HPCAL4: variants seen among roughly 807,000 people sequenced by gnomAD.
The protein encoded by HPCAL4 is hippocalcin-like protein 4.
HPCAL4 carries 16 observed loss-of-function variants against 18.2 expected under a neutral mutation model. The observed-to-expected ratio is 0.88, with a 90% confidence interval of 0.59 to 1.33. The LOEUF (loss-of-function observed/expected upper bound fraction) is 1.33, where lower values mean the gene tolerates loss of function less well. Ranked by LOEUF, HPCAL4 falls within the 40% of genes most tolerant of loss-of-function variation. The pLI is 0.00. For missense variants in HPCAL4, 214 were observed against 256.6 expected, an observed-to-expected ratio of 0.83 and a Z score of 1.14; for synonymous variants, 80 against 97.5, an observed-to-expected ratio of 0.82 and a Z score of 1.06.
At position 39,683,813 on chromosome 1, in the gene HPCAL4, A is replaced by G. The variant is rs1646647340; in HGVS notation, c.378+124T>C. On this transcript the variant is annotated intron_variant, in intron 3 of 3. Transcript: ENST00000372844. ...TAGCCCGGGCCTGTAGCGGGGTGGT[A>G]GGAGGCGGGATCGCAGGCTGGGGAG... is the stretch of plus-strand genomic sequence containing the variant. 1.5e-5 allele frequency: 12 copies of G among 801,796 alleles called. No individual in the cohort carries two copies. The South Asian group carries it at 1.9e-4, about 13-fold the overall frequency. The allele number at this position is 801,796 out of a possible 1,614,324, so 49.7% of individuals were successfully genotyped here. A position where few individuals can be genotyped will look rare whatever the true frequency, so the allele number is the denominator to read the frequency against.
At position 39,688,663 on chromosome 1, in the gene HPCAL4, A is replaced by G. The variant is rs528672132; in HGVS notation, c.-9+2643T>C. On this transcript the variant is annotated intron_variant, in intron 1 of 3. Coordinates refer to ENST00000372844, the MANE Select transcript of HPCAL4 (RefSeq NM_016257.4). ...CCCCTGAAACTCTAGAATCCTCTAG[A>G]ATCTGGTCTCAAAGTGCCCACCTAT... Among the ~76,000 whole-genome samples the G allele has an allele frequency of 2.6e-5, 4 of 152,196 alleles. No homozygotes were observed. In the South Asian group the frequency reaches 8.3e-4, roughly 32 times the overall value.
intron 1 of HPCAL4, among the ~76,000 whole-genome samples, chr1:39,690,092 A>G (rs989257686): frequency 6.6e-6 from 1 of 152,166 alleles, no homozygotes; most frequent in African/African-American, 2.4e-5. Context: ...GCCTGTACCT[A>G]GGCTGGTTAA....
At chr1:39,685,474 C>T (rs1646665281) in intron 1 of HPCAL4, among the ~76,000 whole-genome samples, 1 of 152,186 alleles carries the variant, frequency 6.6e-6, no homozygotes, top group African/African-American at 2.4e-5. Context: ...TATTTCATGC[C>T]TATAATCCCA....
intron 3 of HPCAL4, 74 bp from the exon 4 acceptor site, chr1:39,682,807 T>A: frequency 8.5e-7 from 1 of 1,182,404 alleles, no homozygotes; most frequent in Non-Finnish European, 1.3e-6. Flanking sequence ...AGGAAAGGGA[T>A]CTGGCAGGGA....
At chr1:39,688,806 C>T (rs1646696521) in intron 1 of HPCAL4, among the ~76,000 whole-genome samples, 1 of 152,220 alleles carries the variant, frequency 6.6e-6, no homozygotes, top group Non-Finnish European at 1.5e-5. Flanking sequence ...AATATCCTTT[C>T]TTCTCTCCTG....
At chr1:39,683,010 A>C (rs1263020948) in intron 3 of HPCAL4, among the ~76,000 whole-genome samples, 1 of 151,858 alleles carries the variant, frequency 6.6e-6, no homozygotes, top group Non-Finnish European at 1.5e-5. Flanking sequence ...CAGCCTCCTG[A>C]GTAGCTGGGA....
Position 39,684,019 on chromosome 1 carries a change from T to C in HPCAL4, c.296A>G (p.Gln99Arg), listed in dbSNP as rs1646650512. ...CATCTCAAAGGCCCAGTTGAGCTTC[T>C]GCTCGAAGCTGCCGCGGGAGGTGAC... ...LSVTSRGSFE[Q>R]KLNWAFEMYD... Residue 99 changes from glutamine to arginine, a missense_variant, in exon 3 of 4, where the codon CAG becomes CGG. Gln to Arg is a conservative substitution (Grantham distance 43). Transcript: ENST00000372844. 1.2e-6 allele frequency: 2 copies of C among 1,614,018 alleles called. No homozygotes were observed. The highest frequency in any genetic ancestry group is 1.3e-5 in the African/African-American group (1 of 75,040).
chr1:39,679,640 A>C lies in HPCAL4; in HGVS notation c.*2896T>G, dbSNP rs1468602195. The stretch of plus-strand genomic sequence containing the variant: ...TTGTGCTTTGCGGCAAGTCTCTCTC[A>C]GCTGGTGCAGGGACGGGAGACCTGT... On this transcript the variant is annotated 3_prime_UTR_variant, in exon 4 of 4. Transcript: ENST00000372844. The C allele has an allele frequency of 1.3e-5, 2 of 152,256 alleles. No individual in the cohort carries two copies. The highest frequency in any genetic ancestry group is 2.9e-5 in the Non-Finnish European group (2 of 68,066). 9.4% of individuals were successfully genotyped at this position (152,256 alleles called of 1,614,324 possible).
At position 39,682,453 on chromosome 1, in the gene HPCAL4, T is replaced by A; in HGVS notation, c.*83A>T. The A allele has an allele frequency of 7.2e-7, 1 of 1,380,464 alleles. No homozygotes were observed. Among genetic ancestry groups the A allele is most frequent in the Admixed American group, 1.7e-5 (1 of 57,478 alleles). 85.5% of individuals were successfully genotyped at this position (1,380,464 alleles called of 1,614,324 possible). A position where few individuals can be genotyped will look rare whatever the true frequency, so the allele number is the denominator to read the frequency against. ...GAGAGGGGGGCTGGAGTGTCCCTCCTCCTGGGAGGCCAGCCAGAGAGGTCA... is the reference window on the plus strand; with the variant it reads ...GAGAGGGGGGCTGGAGTGTCCCTCCACCTGGGAGGCCAGCCAGAGAGGTCA... On this transcript the variant is annotated 3_prime_UTR_variant, in exon 4 of 4. Coordinates refer to ENST00000372844, the MANE Select transcript of HPCAL4 (RefSeq NM_016257.4).
Position 39,683,891 on chromosome 1 carries a change from G to A in HPCAL4, c.378+46C>T, listed in dbSNP as rs565720177. The A allele has an allele frequency of 1.9e-5, 30 of 1,554,640 alleles. 1 individual carries two copies. The South Asian group carries it at 3.1e-4, about 16-fold the overall frequency. On this transcript the variant is annotated intron_variant, in intron 3 of 3. Transcript: ENST00000372844. The stretch of plus-strand genomic sequence containing the variant: ...CAGCGCGGAGGCAGGGGCGGGGATG[G>A]CGAAGCGCTGGCCTCGGGAACAGCA...
At chr1:39,682,767 C>T (rs374309217) in intron 3 of HPCAL4, 34 bp from the exon 4 acceptor site, 1 of 1,597,226 alleles carries the variant, frequency 6.3e-7, no homozygotes, top group African/African-American at 1.3e-5. Flanking sequence ...GTGTGAACAC[C>T]CACAAGGGGC....
chr1:39,682,786 G>C lies in HPCAL4; in HGVS notation c.379-53C>G, dbSNP rs1013275286. On this transcript the variant is annotated intron_variant, in intron 3 of 3. Transcript: ENST00000372844. ...GAACACCCACAAGGGGCCCCGAGAA[G>C]CAGCGGGTGAAGGAAAGGGATCTGG... The C allele has an allele frequency of 5.5e-6, 8 of 1,461,508 alleles. No individual in the cohort carries two copies. The Admixed American group carries it at 1.2e-4, about 22-fold the overall frequency. 90.5% of individuals were successfully genotyped at this position (1,461,508 alleles called of 1,614,324 possible). A position where few individuals can be genotyped will look rare whatever the true frequency, so the allele number is the denominator to read the frequency against.
intron 1 of HPCAL4, among the ~76,000 whole-genome samples, chr1:39,687,710 C>G (rs542511396): frequency 2.0e-5 from 3 of 152,216 alleles, no homozygotes; most frequent in South Asian, 4.1e-4. Flanking sequence ...CAAAGCTGAG[C>G]CTGGGCAAGA....
At chr1:39,688,471 CCAT>C (rs1240158873) in intron 1 of HPCAL4, among the ~76,000 whole-genome samples, 62 of 152,294 alleles carry the variant, frequency 4.1e-4, no homozygotes, top group African/African-American at 1.4e-3. Flanking sequence ...TTCATTATGT[CCAT>C]AGCCAGGGAC....
chr1:39,682,775 G>C, intron 3 of HPCAL4, 42 bp from the exon 4 acceptor site: 7 of 1,567,816 alleles, frequency 4.5e-6, no homozygotes, highest in Non-Finnish European at 6.1e-6. Context: ...ACCCACAAGG[G>C]GCCCCGAGAA....
intron 1 of HPCAL4, among the ~76,000 whole-genome samples, chr1:39,685,879 C>CAAA (rs34605605): frequency 7.3e-6 from 1 of 136,656 alleles, no homozygotes. Flanking sequence ...GACTCCACCT[C>CAAA]AAAAAAAAAA....
intron 1 of HPCAL4, among the ~76,000 whole-genome samples, chr1:39,686,506 A>T (rs1344713227): frequency 1.3e-5 from 2 of 152,146 alleles, no homozygotes; most frequent in Non-Finnish European, 2.9e-5. Context: ...ATGGGCTGAG[A>T]CGTTAAGAAG....
chr1:39,686,783 A>G (rs1646679261), intron 1 of HPCAL4, among the ~76,000 whole-genome samples: 1 of 151,612 alleles, frequency 6.6e-6, no homozygotes, highest in Admixed American at 6.5e-5. Context: ...CCTCCCTGGG[A>G]GGAATGTCCC....
chr1:39,682,220 C>G lies in HPCAL4; in HGVS notation c.*316G>C, dbSNP rs950272735. 4 of 352,046 alleles carry G rather than the reference C, an allele frequency of 1.1e-5. No individual in the cohort carries two copies. The highest frequency in any genetic ancestry group is 6.2e-5 in the African/African-American group (3 of 48,102). The allele number at this position is 352,046 out of a possible 1,614,324, so 21.8% of individuals were successfully genotyped here. A position where few individuals can be genotyped will look rare whatever the true frequency, so the allele number is the denominator to read the frequency against. ...ATCCCAGGATCAAGAGAATTCCTAA[C>G]CAGAACCCCAGGCCCCCAACTCCTT... On this transcript the variant is annotated 3_prime_UTR_variant, in exon 4 of 4. Transcript: ENST00000372844.
Sources: allele counts gnomAD v4.1 joint callset (sites outside exome capture counted in the v4.1 genomes callset), GRCh38; gene constraint gnomAD v4.1.1; transcripts MANE v1.5; gene names NCBI Gene and HGNC (gene_info 2026-07-23, HGNC 2026-07-21).